MINDY4: variants seen among roughly 807,000 people sequenced by gnomAD.
MINDY4 encodes the protein MINDY lysine 48 deubiquitinase 4, also known as probable ubiquitin carboxyl-terminal hydrolase MINDY-4.
Under a neutral mutation model 87.0 loss-of-function variants are expected in MINDY4, and 68 were observed. The ratio of observed to expected loss-of-function variants is 0.78; its 90% CI spans 0.64 to 0.96. The LOEUF (loss-of-function observed/expected upper bound fraction) is 0.96. Ranked by LOEUF, MINDY4 falls within the 40% of genes least tolerant of loss-of-function variation. MINDY4 has a pLI of 0.00. For missense variants in MINDY4, 919 were observed against 928.2 expected (o/e 0.99, Z 0.13); for synonymous variants, 379 against 363.2 (o/e 1.04, Z -0.50).
intron 13 of MINDY4, among the ~76,000 whole-genome samples, chr7:30,870,180 C>A (rs978380550): frequency 6.6e-6 from 1 of 152,156 alleles, no homozygotes; most frequent in African/African-American, 2.4e-5. Context: ...TTCTGCCTGT[C>A]CCCCTGCTCC....
chr7:30,797,250 C>G (rs1327855865), intron 5 of MINDY4, among the ~76,000 whole-genome samples: 1 of 152,208 alleles, frequency 6.6e-6, no homozygotes, highest in African/African-American at 2.4e-5. Flanking sequence ...AGTCCCTGCC[C>G]TCTTGGATCT....
intron 12 of MINDY4, chr7:30,858,983 T>C: frequency 1.5e-6 from 1 of 683,954 alleles, no homozygotes; most frequent in Non-Finnish European, 2.7e-6. Context: ...CCATGACTGT[T>C]GCTGTCTTGT....
In MINDY4 at chr7:30,854,994, A is replaced by T. The variant is rs1584319540; in HGVS notation, c.1677+1535A>T. On this transcript the variant is annotated intron_variant, in intron 12 of 17. Coordinates refer to ENST00000265299, the MANE Select transcript of MINDY4 (RefSeq NM_032222.3). ...TGGGAGAAGGAGTGCTGGCCGGGGCATCGGGAGCCCCAGGCTGTCTGTCCT... is the reference window on the plus strand; with the variant it reads ...TGGGAGAAGGAGTGCTGGCCGGGGCTTCGGGAGCCCCAGGCTGTCTGTCCT... 3.3e-5 allele frequency among the ~76,000 whole-genome samples: 5 copies of T among 152,348 alleles called. No individual in the cohort carries two copies. The South Asian group carries it at 1.0e-3, about 32-fold the overall frequency.
At chr7:30,801,990 T>A (rs1395868522) in intron 5 of MINDY4, among the ~76,000 whole-genome samples, 9 of 152,036 alleles carry the variant, frequency 5.9e-5, no homozygotes, top group Admixed American at 5.9e-4. Flanking sequence ...GGATACAGGC[T>A]GGGAAGATGT....
intron 6 of MINDY4, among the ~76,000 whole-genome samples, chr7:30,833,489 T>C (rs1449933991): frequency 6.6e-6 from 1 of 152,160 alleles, no homozygotes; most frequent in Non-Finnish European, 1.5e-5. Context: ...TCCCACAACA[T>C]GTGGGAATTA....
Position 30,771,504 on chromosome 7 carries a change from T to A in MINDY4, c.11T>A (p.Leu4His), listed in dbSNP as rs1216777547. The stretch of plus-strand genomic sequence containing the variant: ...GCCAGAGCCAGAGCCATGGACAGCC[T>A]CTTCGTGGAGGAGGTGGCCGCCTCC... Reference protein sequence around the residue: MDSLFVEEVAASLV... With the variant: MDSHFVEEVAASLV... Residue 4 changes from leucine (L) to histidine (H), a missense_variant, in exon 1 of 18, where the codon CTC (leucine) becomes CAC (histidine). Coordinates refer to ENST00000265299, the MANE Select transcript of MINDY4 (RefSeq NM_032222.3). The A allele has an allele frequency of 6.2e-7, 1 of 1,605,494 alleles. No homozygotes were observed. Among genetic ancestry groups the A allele is most frequent in the Admixed American group, 1.7e-5 (1 of 58,660 alleles).
rs370929595 is a variant in MINDY4, at chr7:30,791,304, C to T, written c.803C>T (p.Ser268Phe). 20 of 1,614,080 alleles carry T rather than the reference C, an allele frequency of 1.2e-5. No individual in the cohort carries two copies. Among genetic ancestry groups the T allele is most frequent in the Non-Finnish European group, 1.7e-5 (20 of 1,180,044 alleles). ...CTGGCTTCGAGCAACAGCTCCCCCTCCAGGACCTCCCTGGGTCAGCTTAGT... is the reference window on the plus strand; with the variant it reads ...CTGGCTTCGAGCAACAGCTCCCCCTTCAGGACCTCCCTGGGTCAGCTTAGT... ...DILASSNSSP[S>F]RTSLGQLSEL... Residue 268 changes from serine (S) to phenylalanine (F), a missense_variant, in exon 5 of 18, where the codon TCC (serine) becomes TTC (phenylalanine). Ser to Phe is a radical substitution (Grantham distance 155, BLOSUM62 -2). Coordinates refer to ENST00000265299, the MANE Select transcript of MINDY4 (RefSeq NM_032222.3).
chr7:30,781,722 A>G lies in MINDY4; in HGVS notation c.184-255A>G, dbSNP rs1787012664. Reference sequence around the variant, plus strand: ...CTCTATTCCTATCACATTTTATTCTAGTTGTTTATTGAATCACCTGCCTCA... The same window carrying G: ...CTCTATTCCTATCACATTTTATTCTGGTTGTTTATTGAATCACCTGCCTCA... On this transcript the variant is annotated intron_variant, in intron 2 of 17. Coordinates refer to ENST00000265299, the MANE Select transcript of MINDY4 (RefSeq NM_032222.3). The G allele has an allele frequency of 8.8e-6, 4 of 454,174 alleles. No individual in the cohort carries two copies. In the East Asian group the frequency reaches 1.2e-4, roughly 13 times the overall value. The allele number at this position is 454,174 out of a possible 1,614,324, so 28.1% of individuals were successfully genotyped here.
rs549732333 is a variant in MINDY4 at position 30,796,670 on chromosome 7, C to T, written c.1073+5096C>T. 8.5e-5 allele frequency: 13 copies of T among 152,246 alleles called. 1 individual carries two copies. The East Asian group carries it at 2.5e-3, about 29-fold the overall frequency. The allele number at this position is 152,246 out of a possible 1,614,324, so 9.4% of individuals were successfully genotyped here. The stretch of plus-strand genomic sequence containing the variant: ...CCCAGAGAACAGAAAGGAAATGACT[C>T]ACTTGAGCTTTTGCAGGTGTAGCAA... On this transcript the variant is annotated intron_variant, in intron 5 of 17. Coordinates refer to ENST00000265299, the MANE Select transcript of MINDY4 (RefSeq NM_032222.3).
chr7:30,781,339 A>C (rs1053356942), intron 2 of MINDY4: 1 of 152,282 alleles, frequency 6.6e-6, no homozygotes, highest in Non-Finnish European at 1.5e-5. Context: ...TTTTTAAAAA[A>C]CATCCAAAGG....
rs1584230649 is a variant in MINDY4, at chr7:30,781,896, A to G, written c.184-81A>G. On this transcript the variant is annotated intron_variant, in intron 2 of 17. Transcript: ENST00000265299. ...AGTGAGAAGTTGATAAACTTAGTCA[A>G]AGAAGTGGAATAGTTGTCTTTTCCA... The G allele has an allele frequency of 9.5e-6, 9 of 947,482 alleles. No homozygotes were observed. The East Asian group carries it at 2.3e-4, about 24-fold the overall frequency. The allele number at this position is 947,482 out of a possible 1,614,324, so 58.7% of individuals were successfully genotyped here.
At chr7:30,796,459 A>G (rs950269999) in intron 5 of MINDY4, among the ~76,000 whole-genome samples, 1 of 152,162 alleles carries the variant, frequency 6.6e-6, no homozygotes, top group Non-Finnish European at 1.5e-5. Flanking sequence ...TTGAAGTATG[A>G]TATAGTCCAT....
At chr7:30,870,087 C>G (rs1790055585) in intron 13 of MINDY4, among the ~76,000 whole-genome samples, 1 of 152,214 alleles carries the variant, frequency 6.6e-6, no homozygotes, top group African/African-American at 2.4e-5. Context: ...AGATGTTCCT[C>G]CCTTTTAAGA....
chr7:30,822,540 TC>T (rs1360816330), intron 5 of MINDY4, among the ~76,000 whole-genome samples: 1 of 152,190 alleles, frequency 6.6e-6, no homozygotes, highest in Non-Finnish European at 1.5e-5. Flanking sequence ...TCTCAAGTGT[TC>T]CCCAGATATT....
intron 9 of MINDY4, among the ~76,000 whole-genome samples, chr7:30,846,015 A>ACGGC (rs1200987303): frequency 2.6e-5 from 4 of 152,206 alleles, no homozygotes; most frequent in Non-Finnish European, 5.9e-5. Context: ...CAGGCCAGGA[A>ACGGC]CGGCCCTCAG....
chr7:30,790,199 C>T (rs1285461310), intron 4 of MINDY4, among the ~76,000 whole-genome samples: 1 of 152,154 alleles, frequency 6.6e-6, no homozygotes, highest in Non-Finnish European at 1.5e-5. Flanking sequence ...CATCCAAAAC[C>T]TTTGGGCTGG....
At chr7:30,841,948 C>A (rs1789052158) in intron 9 of MINDY4, among the ~76,000 whole-genome samples, 2 of 152,174 alleles carry the variant, frequency 1.3e-5, no homozygotes, top group African/African-American at 2.4e-5. Flanking sequence ...GTTACCCAGA[C>A]AACAAGACCC....
At chr7:30,860,883 T>C (rs1324709688) in intron 13 of MINDY4, among the ~76,000 whole-genome samples, 1 of 152,158 alleles carries the variant, frequency 6.6e-6, no homozygotes, top group Non-Finnish European at 1.5e-5. Flanking sequence ...AATGCTGCCC[T>C]GCTGGACCTT....
chr7:30,854,790 G>A (rs1165056067), intron 12 of MINDY4, among the ~76,000 whole-genome samples: 1 of 152,244 alleles, frequency 6.6e-6, no homozygotes, highest in Admixed American at 6.5e-5. Context: ...AGCACCAGAT[G>A]TCCCTTGGGT....
Sources: gnomAD v4.1 joint callset for allele counts (sites outside exome capture counted in the v4.1 genomes callset) on GRCh38, gnomAD v4.1.1 for gene constraint, MANE v1.5 for transcripts, NCBI Gene and HGNC (gene_info 2026-07-23, HGNC 2026-07-21) for gene names.